Variants in CDIN1 observed in about 807,000 individuals in gnomAD.
CDIN1 encodes the protein CDAN1 interacting nuclease 1.
CDIN1 carries 33 observed loss-of-function variants against 45.3 expected under a neutral mutation model. The observed-to-expected ratio is 0.73, with a 90% CI of 0.55 to 0.97. The LOEUF (loss-of-function observed/expected upper bound fraction) is 0.97. CDIN1 is among the 50% of genes least tolerant of loss of function. The pLI is 0.00. For synonymous variants in CDIN1, 118 were observed against 124.4 expected, an observed-to-expected ratio of 0.95 and a Z score of 0.34; for missense variants, 303 against 339.4, an observed-to-expected ratio of 0.89 and a Z score of 0.84.
At chr15:36,644,878 G>C (rs1297673506) in intron 2 of CDIN1, among the ~76,000 whole-genome samples, 1 of 152,160 alleles carries the variant, frequency 6.6e-6, no homozygotes, top group African/African-American at 2.4e-5. Flanking sequence ...ATTGAATCGA[G>C]GGAAAATTAA....
chr15:36,792,393 T>C (rs552027187), intron 10 of CDIN1, among the ~76,000 whole-genome samples: 12 of 152,290 alleles, frequency 7.9e-5, no homozygotes, highest in Non-Finnish European at 1.2e-4. Flanking sequence ...ATAAAGTTTC[T>C]GTGTAACTCA....
rs1456889215 is a variant in CDIN1, at chr15:36,809,763, T to A, written c.*1310T>A. On this transcript the variant is annotated 3_prime_UTR_variant, in exon 11 of 11. Coordinates refer to ENST00000566621, the MANE Select transcript of CDIN1 (RefSeq NM_001321759.2). Reference sequence around the variant, plus strand: ...AACTTATATACATTGCTTGATTTTTTTCAAAAGACTAAATATGTCATTTAT... The same window carrying A: ...AACTTATATACATTGCTTGATTTTTATCAAAAGACTAAATATGTCATTTAT... 1.3e-5 allele frequency: 2 copies of A among 152,220 alleles called. No individual in the cohort carries two copies. Among genetic ancestry groups the A allele is most frequent in the Admixed American group, 1.3e-4 (2 of 15,280 alleles). The allele number at this position is 152,220 out of a possible 1,614,324, so 9.4% of individuals were successfully genotyped here.
At chr15:36,708,276 G>A (rs1241534602) in intron 8 of CDIN1, 1 of 152,080 alleles carries the variant, frequency 6.6e-6, no homozygotes, top group East Asian at 1.9e-4. Flanking sequence ...TAGGTGTTAA[G>A]AGACCACACA....
intron 5 of CDIN1, among the ~76,000 whole-genome samples, chr15:36,668,740 C>T (rs2140522587): frequency 6.6e-6 from 1 of 152,180 alleles, no homozygotes; most frequent in Middle Eastern, 3.4e-3. Context: ...TGCATATTTC[C>T]ACAATATGTC....
chr15:36,798,854 A>AAGTT (rs1226679749), intron 10 of CDIN1: 2 of 152,164 alleles, frequency 1.3e-5, no homozygotes, highest in African/African-American at 4.8e-5. Context: ...AATATTCAGA[A>AAGTT]AGTTAGTTAG....
intron 1 of CDIN1, among the ~76,000 whole-genome samples, chr15:36,593,712 C>T (rs887088201): frequency 3.9e-5 from 6 of 152,036 alleles, no homozygotes; most frequent in African/African-American, 4.8e-5. Context: ...TACAGGCGCC[C>T]GCCACCACGA....
At chr15:36,656,640 A>T (rs943732260) in intron 4 of CDIN1, among the ~76,000 whole-genome samples, 4 of 152,148 alleles carry the variant, frequency 2.6e-5, no homozygotes, top group African/African-American at 9.7e-5. Flanking sequence ...CAAGTACCTG[A>T]ACTAATAAGG....
At chr15:36,748,107 A>G (rs970552288) in intron 10 of CDIN1, among the ~76,000 whole-genome samples, 1 of 152,168 alleles carries the variant, frequency 6.6e-6, no homozygotes, top group South Asian at 2.1e-4. Context: ...GACCTGGGGC[A>G]AATCTCTCAA....
intron 10 of CDIN1, among the ~76,000 whole-genome samples, chr15:36,774,443 C>T (rs1305716213): frequency 6.6e-6 from 1 of 151,412 alleles, no homozygotes; most frequent in African/African-American, 2.4e-5. Context: ...TTTCACGGAC[C>T]TAGGACAGTC....
At chr15:36,753,235 C>G (rs1475410538) in intron 10 of CDIN1, among the ~76,000 whole-genome samples, 1 of 152,100 alleles carries the variant, frequency 6.6e-6, no homozygotes, top group Non-Finnish European at 1.5e-5. Context: ...CGTTAACATT[C>G]CTGGAGCTGG....
At chr15:36,620,227 T>A (rs1368319228) in intron 1 of CDIN1, among the ~76,000 whole-genome samples, 4 of 152,008 alleles carry the variant, frequency 2.6e-5, no homozygotes, top group African/African-American at 9.7e-5. Flanking sequence ...GGCGGGCGCC[T>A]GTAGGCCCAG....
chr15:36,686,928 A>AAAGG (rs917065716), intron 5 of CDIN1, among the ~76,000 whole-genome samples: 8 of 143,332 alleles, frequency 5.6e-5, no homozygotes, highest in Non-Finnish European at 4.6e-5. Flanking sequence ...GGAAGGAAGA[A>AAAGG]AAGGAAGGAA....
At chr15:36,580,871 C>T (rs1022687098) in intron 1 of CDIN1, among the ~76,000 whole-genome samples, 3 of 152,206 alleles carry the variant, frequency 2.0e-5, no homozygotes, top group South Asian at 2.1e-4. Flanking sequence ...CCATCCTTGA[C>T]GTATTCAGTC....
intron 10 of CDIN1, among the ~76,000 whole-genome samples, chr15:36,749,927 C>A (rs906913824): frequency 2.6e-5 from 4 of 152,188 alleles, no homozygotes; most frequent in Non-Finnish European, 4.4e-5. Flanking sequence ...TTGGCCACCT[C>A]AGCAGAATCC....
At chr15:36,791,387 A>C (rs2054641733) in intron 10 of CDIN1, among the ~76,000 whole-genome samples, 1 of 152,220 alleles carries the variant, frequency 6.6e-6, no homozygotes, top group South Asian at 2.1e-4. Flanking sequence ...GAGGAGATAA[A>C]CATTAAATGC....
rs73385366 is a variant in CDIN1, at chr15:36,799,343, G to C, written c.717-8981G>C. 1.9e-3 allele frequency: 288 copies of C among 152,286 alleles called. 1 individual carries two copies. The highest frequency in any genetic ancestry group is 6.9e-3 in the African/African-American group (287 of 41,540). The allele number at this position is 152,286 out of a possible 1,614,324, so 9.4% of individuals were successfully genotyped here. The stretch of plus-strand genomic sequence containing the variant: ...TCTCTCTCTTCCCATTTGAGAAGGT[G>C]TTCTGTCTTCTCCATGCATCCTGTT... On this transcript the variant is annotated intron_variant, in intron 10 of 10. Coordinates refer to ENST00000566621, the MANE Select transcript of CDIN1 (RefSeq NM_001321759.2).
intron 1 of CDIN1, among the ~76,000 whole-genome samples, chr15:36,591,155 T>C (rs540117197): frequency 1.3e-5 from 2 of 152,294 alleles, no homozygotes; most frequent in African/African-American, 4.8e-5. Flanking sequence ...GTGGCTTCTC[T>C]TGTGGTTGAG....
intron 1 of CDIN1, among the ~76,000 whole-genome samples, chr15:36,624,036 C>G (rs1403765382): frequency 6.6e-6 from 1 of 152,106 alleles, no homozygotes; most frequent in Non-Finnish European, 1.5e-5. Flanking sequence ...CCCAGTGTTA[C>G]CATCTTCATT....
chr15:36,606,285 T>C (rs951099817), intron 1 of CDIN1, among the ~76,000 whole-genome samples: 2 of 152,176 alleles, frequency 1.3e-5, no homozygotes, highest in African/African-American at 4.8e-5. Context: ...CTGTTCTTTT[T>C]CATGGAAAAG....
Sources: allele counts gnomAD v4.1 joint callset (sites outside exome capture counted in the v4.1 genomes callset), GRCh38; gene constraint gnomAD v4.1.1; transcripts MANE v1.5; gene names NCBI Gene and HGNC (gene_info 2026-07-23, HGNC 2026-07-21).